Variants in AP3M1 observed in about 807,000 individuals in gnomAD.
The protein encoded by AP3M1 is AP-3 complex subunit mu-1.
In AP3M1, 29 loss-of-function variants were observed where a neutral mutation model predicts 42.6. The ratio of observed to expected loss-of-function variants is 0.68; its 90% CI spans 0.51 to 0.93. AP3M1 has a LOEUF of 0.93. AP3M1 is among the 40% of genes least tolerant of loss of function. The pLI is 0.00. For missense variants in AP3M1, 416 were observed against 510.2 expected (o/e 0.82, Z 1.78); for synonymous variants, 178 against 175.3 (o/e 1.02, Z -0.12).
rs1278624539 is a variant in AP3M1, at chr10:74,122,373, A to G, written c.*1437T>C. The G allele has an allele frequency of 1.3e-5, 2 of 152,212 alleles. No homozygotes were observed. Among genetic ancestry groups the G allele is most frequent in the African/African-American group, 4.8e-5 (2 of 41,438 alleles). The allele number at this position is 152,212 out of a possible 1,614,324, so 9.4% of individuals were successfully genotyped here. A position where few individuals can be genotyped will look rare whatever the true frequency, so the allele number is the denominator to read the frequency against. ...AGATTGAAAGAAGAATGGAGCCACA[A>G]AGAGAATAGCATAAATAACAAGAAG... On this transcript the variant is annotated 3_prime_UTR_variant, in exon 9 of 9. Transcript: ENST00000355264.
At chr10:74,133,335 G>A (rs1039375947) in intron 4 of AP3M1, among the ~76,000 whole-genome samples, 4 of 151,588 alleles carry the variant, frequency 2.6e-5, no homozygotes, top group Admixed American at 1.3e-4. Flanking sequence ...CGGAGGTTGC[G>A]GTGAGCTGAG....
At position 74,134,003 on chromosome 10, in the gene AP3M1, A is replaced by G. The variant is rs756437347; in HGVS notation, c.583+24T>C. The G allele has an allele frequency of 5.0e-6, 8 of 1,611,344 alleles. No homozygotes were observed. In the African/African-American group the frequency reaches 5.3e-5, roughly 11 times the overall value. On this transcript the variant is annotated intron_variant, in intron 4 of 8. Coordinates refer to ENST00000355264, the MANE Select transcript of AP3M1 (RefSeq NM_012095.6). ...TGTCAGATGAATTGTTTTTCCCCAA[A>G]TAAGATGACATGCACACAATTACCT...
chr10:74,136,503 T>C (rs1840948684), intron 3 of AP3M1, 129 bp downstream of exon 3: 1 of 626,126 alleles, frequency 1.6e-6, no homozygotes, highest in Non-Finnish European at 2.4e-6. Flanking sequence ...ACATCCATTT[T>C]AACTTTACCA....
Position 74,123,908 on chromosome 10 carries a change from A to C in AP3M1, c.1159T>G (p.Leu387Val). 1 of 1,611,828 alleles carries C rather than the reference A, an allele frequency of 6.2e-7. No homozygotes were observed. The highest frequency in any genetic ancestry group is 8.5e-7 in the Non-Finnish European group (1 of 1,178,014). Residue 387 changes from leucine (L) to valine (V), a missense_variant and splice_region_variant, in exon 9 of 9, where the codon TTA becomes GTA. Coordinates refer to ENST00000355264, the MANE Select transcript of AP3M1 (RefSeq NM_012095.6). ...FKIQQLAISG[L>V]KVNRLDMYGE... ...TACATGTCCAAACGGTTTACTTTTAAGCCTGTATCAAAAAGAATGAAAAAG... is the reference window on the plus strand; with the variant it reads ...TACATGTCCAAACGGTTTACTTTTACGCCTGTATCAAAAAGAATGAAAAAG...
intron 1 of AP3M1, among the ~76,000 whole-genome samples, chr10:74,148,247 GA>G (rs1841390392): frequency 1.3e-5 from 2 of 152,044 alleles, no homozygotes; most frequent in African/African-American, 4.8e-5. Flanking sequence ...AGGAGAGAGG[GA>G]AAAACGGAAA....
intron 1 of AP3M1, among the ~76,000 whole-genome samples, chr10:74,144,481 C>G (rs927430878): frequency 6.6e-6 from 1 of 152,068 alleles, no homozygotes; most frequent in Non-Finnish European, 1.5e-5. Context: ...ATTGCCCAGG[C>G]TGATCCTGGA....
chr10:74,129,149 A>G lies in AP3M1; in HGVS notation c.762T>C (p.Asp254=), dbSNP rs1346441932. 4 of 1,614,158 alleles carry G rather than the reference A, an allele frequency of 2.5e-6. No individual in the cohort carries two copies. Among genetic ancestry groups the G allele is most frequent in the East Asian group, 4.5e-5 (2 of 44,880 alleles). The change falls in exon 6 of 9, where the codon GAT becomes GAC. Residue 254 remains aspartate, a synonymous_variant. Coordinates refer to ENST00000355264, the MANE Select transcript of AP3M1 (RefSeq NM_012095.6). ...GGTATGATATGAGTCGGAAATTTCCATCTGGAGGAATAAATGACAAAACTC... is the reference window on the plus strand; with the variant it reads ...GGTATGATATGAGTCGGAAATTTCCGTCTGGAGGAATAAATGACAAAACTC... ...SERVLSFIPP[D]GNFRLISYRV...
chr10:74,131,692 A>C (rs1263717226), intron 4 of AP3M1, among the ~76,000 whole-genome samples: 1 of 151,418 alleles, frequency 6.6e-6, no homozygotes, highest in Non-Finnish European at 1.5e-5. Context: ...GGATTAAGGA[A>C]GCCATGCCTA....
At chr10:74,135,601 AATATTT>A (rs1303223349) in intron 3 of AP3M1, among the ~76,000 whole-genome samples, 1 of 152,168 alleles carries the variant, frequency 6.6e-6, no homozygotes, top group African/African-American at 2.4e-5. Context: ...TGTCGGAGTG[AATATTT>A]ATATATAAGA....
intron 1 of AP3M1, among the ~76,000 whole-genome samples, chr10:74,147,117 C>T (rs1160716992): frequency 6.6e-6 from 1 of 151,906 alleles, no homozygotes; most frequent in Non-Finnish European, 1.5e-5. Context: ...ATCCCATCTC[C>T]ACTAAAAATA....
intron 1 of AP3M1, among the ~76,000 whole-genome samples, chr10:74,140,196 C>T (rs1240775522): frequency 6.6e-6 from 1 of 152,158 alleles, no homozygotes; most frequent in Admixed American, 6.5e-5. Flanking sequence ...CACACATCCA[C>T]CCCAGCCCGA....
rs1840978120 is a variant in AP3M1, at chr10:74,137,239, C to CAAACTAAACA, written c.274-437_274-436insTGTTTAGTTT. ...TAGGGAACAGAGTGAGACTCCGTCT[C>CAAACTAAACA]AAACAAAACAAAACAAAACAAAACA... On this transcript the variant is annotated intron_variant, in intron 2 of 8. Transcript: ENST00000355264. 3.3e-5 allele frequency among the ~76,000 whole-genome samples: 5 copies of CAAACTAAACA among 151,270 alleles called. No homozygotes were observed. The South Asian group carries it at 1.1e-3, about 32-fold the overall frequency.
chr10:74,135,873 C>G (rs1364740761), intron 3 of AP3M1, among the ~76,000 whole-genome samples: 2 of 152,166 alleles, frequency 1.3e-5, no homozygotes, highest in Admixed American at 1.3e-4. Context: ...GCTGAATGAT[C>G]TTTTTCTTAT....
At chr10:74,127,089 A>G (rs1473869604) in intron 6 of AP3M1, among the ~76,000 whole-genome samples, 1 of 152,030 alleles carries the variant, frequency 6.6e-6, no homozygotes, top group Non-Finnish European at 1.5e-5. Context: ...GTACTATCAC[A>G]AGTAACTTGG....
At chr10:74,129,366 C>T (rs895303205) in intron 5 of AP3M1, 125 bp from the exon 6 acceptor site, 30 of 852,984 alleles carry the variant, frequency 3.5e-5, no homozygotes, top group Middle Eastern at 4.9e-4. Flanking sequence ...ACCACATCTA[C>T]ACAACCTTAT....
chr10:74,147,248 G>A (rs1025342310), intron 1 of AP3M1, among the ~76,000 whole-genome samples: 5 of 151,996 alleles, frequency 3.3e-5, no homozygotes, highest in African/African-American at 1.2e-4. Flanking sequence ...TGGCGCCACT[G>A]CACTCTAGCC....
chr10:74,141,281 C>A (rs1447047467), intron 1 of AP3M1, among the ~76,000 whole-genome samples: 2 of 152,002 alleles, frequency 1.3e-5, no homozygotes, highest in Non-Finnish European at 2.9e-5. Context: ...TAAAAACTAG[C>A]CAGGCATAGT....
intron 1 of AP3M1, among the ~76,000 whole-genome samples, chr10:74,141,145 C>T (rs1841134785): frequency 6.6e-6 from 1 of 152,080 alleles, no homozygotes; most frequent in Non-Finnish European, 1.5e-5. Flanking sequence ...ATATAAAGAA[C>T]TTTTACTCAA....
intron 3 of AP3M1, among the ~76,000 whole-genome samples, 181 bp from the exon 4 acceptor site, chr10:74,134,345 T>A (rs1191121368): frequency 6.6e-6 from 1 of 152,242 alleles, no homozygotes; most frequent in African/African-American, 2.4e-5. Flanking sequence ...AAAAGAAATA[T>A]AGGCCATGTG....
Sources: allele counts gnomAD v4.1 joint callset (sites outside exome capture counted in the v4.1 genomes callset), GRCh38; gene constraint gnomAD v4.1.1; transcripts MANE v1.5; gene names NCBI Gene and HGNC (gene_info 2026-07-23, HGNC 2026-07-21).